Variants in SSU72 observed in about 807,000 individuals in gnomAD.
The protein encoded by SSU72 is RNA polymerase II subunit A C-terminal domain phosphatase SSU72.
Under a neutral mutation model 22.7 loss-of-function variants are expected in SSU72, and 12 were observed. The observed-to-expected ratio is 0.53, with a 90% confidence interval of 0.34 to 0.86. The LOEUF (loss-of-function observed/expected upper bound fraction) is 0.86, where lower values mean the gene tolerates loss of function less well. SSU72 is among the 40% of genes least tolerant of loss of function. SSU72 has a pLI of 0.02. For synonymous variants in SSU72, 116 were observed against 98.3 expected, an observed-to-expected ratio of 1.18 and a Z score of -1.06; for missense variants, 151 against 249.8, an observed-to-expected ratio of 0.60 and a Z score of 2.67.
intron 2 of SSU72, among the ~76,000 whole-genome samples, chr1:1,548,915 C>T (rs1642424246): frequency 1.3e-5 from 2 of 152,230 alleles, no homozygotes; most frequent in South Asian, 2.1e-4. Flanking sequence ...CCCACAGTGA[C>T]GTCTGGAACC....
At chr1:1,569,173 C>CA (rs200131164) in intron 1 of SSU72, among the ~76,000 whole-genome samples, 4,816 of 142,542 alleles carry the variant, frequency 0.034, 269 homozygotes, top group African/African-American at 0.12. Context: ...GACTCCGTCT[C>CA]AAAAAATAAA....
chr1:1,555,771 G>A (rs1642513488), intron 2 of SSU72, among the ~76,000 whole-genome samples: 1 of 152,110 alleles, frequency 6.6e-6, no homozygotes, highest in South Asian at 2.1e-4. Context: ...GCCAAGGCAG[G>A]CAGACTGCTT....
In SSU72 at chr1:1,542,957, C is replaced by T. The variant is rs1054563704; in HGVS notation, c.484-790G>A. Among the ~76,000 whole-genome samples, 3 of 152,230 alleles carry T rather than the reference C, an allele frequency of 2.0e-5. No individual in the cohort carries two copies. The highest frequency in any genetic ancestry group is 4.8e-5 in the African/African-American group (2 of 41,454). On this transcript the variant is annotated intron_variant, in intron 4 of 4. Coordinates refer to ENST00000291386, the MANE Select transcript of SSU72 (RefSeq NM_014188.3). This position sits in a 1 kb window ranked among gnomAD's most constrained non-coding sequence, Gnocchi z 4.4. ...CCACACAGCAGCTTCTCCCAGCGCC[C>T]GCCCGCCTGGCTCCCGGGCTTTCCA...
rs1401505203 is a variant in SSU72, at chr1:1,572,414, T to TC, written c.80+2063dup. On this transcript the variant is annotated intron_variant, in intron 1 of 4. Transcript: ENST00000291386. ...CTGCACTCCAGCCTGGGCTACAGAC[T>TC]CCCCCTCAAGAAAAAAAATATATAT... 6.1e-5 allele frequency among the ~76,000 whole-genome samples: 9 copies of TC among 147,732 alleles called. No individual in the cohort carries two copies. In the Middle Eastern group the frequency reaches 0.01, roughly 169 times the overall value.
chr1:1,560,034 T>TTA (rs1642568514), intron 2 of SSU72, among the ~76,000 whole-genome samples: 1 of 152,068 alleles, frequency 6.6e-6, no homozygotes, highest in African/African-American at 2.4e-5. Flanking sequence ...GTTTTGTACT[T>TTA]TTAGTAGAGA....
At chr1:1,547,094 G>A (rs1244831647) in intron 2 of SSU72, among the ~76,000 whole-genome samples, 1 of 152,174 alleles carries the variant, frequency 6.6e-6, no homozygotes, top group Non-Finnish European at 1.5e-5. Context: ...CACATGCAGA[G>A]GGGCAGGTGC....
chr1:1,549,493 TG>T (rs1241600825), intron 2 of SSU72, among the ~76,000 whole-genome samples: 1 of 143,010 alleles, frequency 7.0e-6, no homozygotes, highest in African/African-American at 2.7e-5. Context: ...CACTCCAGCC[TG>T]GGGGACAGAG....
chr1:1,559,993 G>A (rs1642567591), intron 2 of SSU72, among the ~76,000 whole-genome samples: 1 of 152,142 alleles, frequency 6.6e-6, no homozygotes, highest in Non-Finnish European at 1.5e-5. Context: ...CCAAAGTGCT[G>A]GGATTACAGG....
intron 2 of SSU72, among the ~76,000 whole-genome samples, chr1:1,548,844 G>T (rs923470337): frequency 1.3e-5 from 2 of 152,246 alleles, no homozygotes; most frequent in Admixed American, 1.3e-4. Flanking sequence ...AATCCCGAGA[G>T]GCCACCGGCC....
At chr1:1,552,313 C>T (rs1020180784) in intron 2 of SSU72, among the ~76,000 whole-genome samples, 18 of 152,218 alleles carry the variant, frequency 1.2e-4, no homozygotes, top group Non-Finnish European at 1.3e-4. Context: ...GGTACTTACA[C>T]AAGTGGCTCT....
intron 2 of SSU72, chr1:1,546,117 G>C (rs1344105842): frequency 6.6e-6 from 1 of 152,234 alleles, no homozygotes; most frequent in East Asian, 1.9e-4. Flanking sequence ...AGAGAGACTG[G>C]GTTCCCAAAG....
intron 2 of SSU72, among the ~76,000 whole-genome samples, chr1:1,558,162 T>C (rs1235052998): frequency 4.0e-5 from 6 of 149,298 alleles, no homozygotes; most frequent in Admixed American, 6.8e-5. Flanking sequence ...GATCGTGCCA[T>C]TGCACTCCAG....
chr1:1,556,355 C>G (rs1246376877), intron 2 of SSU72, among the ~76,000 whole-genome samples: 3 of 152,108 alleles, frequency 2.0e-5, no homozygotes, highest in Non-Finnish European at 2.9e-5. Flanking sequence ...ATCACTTGAA[C>G]AAGGTGAAAC....
chr1:1,559,347 G>A (rs1451349453), intron 2 of SSU72, among the ~76,000 whole-genome samples: 1 of 152,140 alleles, frequency 6.6e-6, no homozygotes, highest in East Asian at 1.9e-4. Flanking sequence ...CTTGGGAGAC[G>A]AAAAGCGTCT....
intron 1 of SSU72, among the ~76,000 whole-genome samples, chr1:1,572,692 T>C (rs1291311190): frequency 1.3e-5 from 2 of 151,130 alleles, no homozygotes; most frequent in Non-Finnish European, 2.9e-5. Context: ...CTCCTGACTT[T>C]GTGATCCGCC....
intron 2 of SSU72, among the ~76,000 whole-genome samples, chr1:1,553,719 A>T (rs1457017294): frequency 6.7e-6 from 1 of 148,570 alleles, no homozygotes; most frequent in Non-Finnish European, 1.5e-5. Context: ...TGAACCCGGG[A>T]GGCAGAGCTT....
chr1:1,569,410 A>G (rs1642702019), intron 1 of SSU72, among the ~76,000 whole-genome samples: 2 of 152,312 alleles, frequency 1.3e-5, no homozygotes, highest in South Asian at 4.1e-4. Flanking sequence ...ACCCCAGAGA[A>G]CGCTAACATG....
chr1:1,548,530 G>A (rs1193673348), intron 2 of SSU72, among the ~76,000 whole-genome samples: 2 of 150,724 alleles, frequency 1.3e-5, no homozygotes, highest in African/African-American at 2.4e-5. Context: ...CTCTGGCCTC[G>A]GTGACAGGAG....
chr1:1,542,852 G>T lies in SSU72; in HGVS notation c.484-685C>A, dbSNP rs1642340810. 2.0e-5 allele frequency among the ~76,000 whole-genome samples: 3 copies of T among 152,188 alleles called. No homozygotes were observed. In the South Asian group the frequency reaches 6.2e-4, roughly 31 times the overall value. Reference sequence around the variant, plus strand: ...CATGAAGACCGTCCCTGGCGCTTCAGCAGCCACACTGGACCGTGAGGCACG... The same window carrying T: ...CATGAAGACCGTCCCTGGCGCTTCATCAGCCACACTGGACCGTGAGGCACG... On this transcript the variant is annotated intron_variant, in intron 4 of 4. Coordinates refer to ENST00000291386, the MANE Select transcript of SSU72 (RefSeq NM_014188.3). This position sits in a 1 kb window ranked among gnomAD's most constrained non-coding sequence, Gnocchi z 4.4.
Sources: allele counts gnomAD v4.1 joint callset (sites outside exome capture counted in the v4.1 genomes callset), GRCh38; gene constraint gnomAD v4.1.1; non-coding constraint Gnocchi (gnomAD v3.1); transcripts MANE v1.5; gene names NCBI Gene and HGNC (gene_info 2026-07-23, HGNC 2026-07-21).